The following XKR9 variants were observed in gnomAD, a reference collection of about 807,000 sequenced individuals.
XKR9 encodes XK related 9.
In XKR9, 32 loss-of-function variants were observed where a neutral mutation model predicts 32.0. The ratio of observed to expected loss-of-function variants is 1.00; its 90% confidence interval spans 0.76 to 1.34. The LOEUF (loss-of-function observed/expected upper bound fraction) is 1.34, where lower values mean the gene tolerates loss of function less well. Among genes scored for constraint, XKR9 ranks in the 40% most tolerant of loss-of-function variants. XKR9 has a pLI of 0.00. For synonymous variants in XKR9, 168 were observed against 143.4 expected (o/e 1.17, Z -1.22); for missense variants, 546 against 429.7 (o/e 1.27, Z -2.39).
the XKR9 span, among the ~76,000 whole-genome samples, chr8:70,993,977 A>G: frequency 6.6e-6 from 1 of 152,186 alleles, no homozygotes; most frequent in African/African-American, 2.4e-5. Context: ...AAATATGCCA[A>G]ATAAATATAT....
At chr8:70,936,224 T>C in the XKR9 span, among the ~76,000 whole-genome samples, 1 of 152,092 alleles carries the variant, frequency 6.6e-6, no homozygotes, top group Non-Finnish European at 1.5e-5. Flanking sequence ...GCTGAAAGCC[T>C]AATAGAAGGC....
chr8:70,920,675 C>G, the XKR9 span, among the ~76,000 whole-genome samples: 1 of 151,652 alleles, frequency 6.6e-6, no homozygotes, highest in East Asian at 1.9e-4. Context: ...TAAAAACTGA[C>G]CCCAGCCCCT....
At chr8:70,922,577 T>C in the XKR9 span, among the ~76,000 whole-genome samples, 4 of 152,200 alleles carry the variant, frequency 2.6e-5, no homozygotes, top group Admixed American at 2.6e-4. Flanking sequence ...GTTGAAGAGA[T>C]GAAGAGGGCA....
At chr8:70,759,288 A>G (rs1807273413) in intron 2 of XKR9, among the ~76,000 whole-genome samples, 1 of 152,224 alleles carries the variant, frequency 6.6e-6, no homozygotes, top group East Asian at 1.9e-4. Flanking sequence ...GCATTGGGCC[A>G]GGTACATTAG....
the XKR9 span, among the ~76,000 whole-genome samples, chr8:70,956,844 G>A: frequency 6.6e-6 from 1 of 152,338 alleles, no homozygotes; most frequent in South Asian, 2.1e-4. Context: ...GCACTTTCAA[G>A]CCTGCAGGGT....
chr8:70,704,778 C>T (rs1207362014), intron 3 of XKR9, among the ~76,000 whole-genome samples: 2 of 152,210 alleles, frequency 1.3e-5, no homozygotes, highest in African/African-American at 4.8e-5. Context: ...ATACTCTCTA[C>T]TATGTCAGAT....
rs191169291 is a variant in XKR9, at chr8:70,765,455, C to T, written n.353-23884C>T. 2.5e-4 allele frequency among the ~76,000 whole-genome samples: 38 copies of T among 152,074 alleles called. 1 individual carries two copies. The highest frequency in any genetic ancestry group is 8.9e-4 in the African/African-American group (37 of 41,520). ...TGGACTTTTGTAAATTTAAGTGCCTCATAAATTCTGGATATTATCCCTTTG... is the reference window on the plus strand; with the variant it reads ...TGGACTTTTGTAAATTTAAGTGCCTTATAAATTCTGGATATTATCCCTTTG... On this transcript the variant is annotated intron_variant and non_coding_transcript_variant, in intron 2 of 3. Transcript: ENST00000520273.
intron 4 of XKR9, among the ~76,000 whole-genome samples, chr8:70,721,896 G>A (rs1330169359): frequency 6.6e-6 from 1 of 152,018 alleles, no homozygotes; most frequent in Admixed American, 6.6e-5. Context: ...TTGACAGTGG[G>A]GTATAAAGTC....
chr8:70,707,808 G>T (rs1805772715), intron 4 of XKR9, among the ~76,000 whole-genome samples: 1 of 151,846 alleles, frequency 6.6e-6, no homozygotes. Context: ...TGTTTGTTAA[G>T]GTAAAAATGT....
chr8:70,855,227 C>CA, the XKR9 span, among the ~76,000 whole-genome samples: 1,200 of 150,186 alleles, frequency 8.0e-3, 16 homozygotes, highest in African/African-American at 0.027. Flanking sequence ...TTAAGAACCT[C>CA]AAAAAAAAAT....
chr8:70,908,674 G>A, the XKR9 span, among the ~76,000 whole-genome samples: 5 of 152,192 alleles, frequency 3.3e-5, no homozygotes, highest in Non-Finnish European at 5.9e-5. Context: ...AAACAAATGA[G>A]TGTGGCTGTG....
the XKR9 span, among the ~76,000 whole-genome samples, chr8:70,920,626 A>G: frequency 6.6e-6 from 1 of 152,150 alleles, no homozygotes; most frequent in Admixed American, 6.5e-5. Flanking sequence ...AGGTTAAAAG[A>G]CCATACATGG....
chr8:71,003,902 C>T, the XKR9 span, among the ~76,000 whole-genome samples: 1 of 152,004 alleles, frequency 6.6e-6, no homozygotes, highest in Admixed American at 6.6e-5. Context: ...TATTACAAAA[C>T]CTCATGGGAA....
chr8:70,810,906 C>T, the XKR9 span, among the ~76,000 whole-genome samples: 1 of 152,096 alleles, frequency 6.6e-6, no homozygotes, highest in African/African-American at 2.4e-5. Context: ...ACAAGGATAT[C>T]CAGGAATTGA....
intron 2 of XKR9, among the ~76,000 whole-genome samples, chr8:70,779,975 G>C (rs1411604520): frequency 2.6e-5 from 4 of 151,828 alleles, no homozygotes; most frequent in Non-Finnish European, 1.5e-5. Context: ...TCTGATCTTA[G>C]TTATTTCTTG....
the XKR9 span, among the ~76,000 whole-genome samples, chr8:70,821,374 A>G: frequency 6.6e-6 from 1 of 152,182 alleles, no homozygotes; most frequent in Non-Finnish European, 1.5e-5. Context: ...CATTGTCTGC[A>G]GCTTTTGTAG....
chr8:70,828,507 C>T, the XKR9 span, among the ~76,000 whole-genome samples: 2 of 151,664 alleles, frequency 1.3e-5, no homozygotes, highest in East Asian at 3.9e-4. Flanking sequence ...GGGCGGATCA[C>T]GAGGTCAGGA....
intron 2 of XKR9, among the ~76,000 whole-genome samples, chr8:70,776,947 C>CTCTCTCTCTCTCTCTCTCTCTATA: frequency 2.6e-4 from 14 of 54,206 alleles, no homozygotes; most frequent in Non-Finnish European, 3.5e-4. Flanking sequence ...CTCTCTCTCT[C>CTCTCTCTCTCTCTCTCTCTCTATA]TATATATATA....
chr8:71,046,683 A>C, the XKR9 span, among the ~76,000 whole-genome samples: 92,998 of 152,064 alleles, frequency 0.61, 30,402 homozygotes, highest in East Asian at 0.93. Context: ...GAGCAAACTG[A>C]TGCATCCCAT....
Sources: allele counts gnomAD v4.1 joint callset (sites outside exome capture counted in the v4.1 genomes callset), GRCh38; gene constraint gnomAD v4.1.1; transcripts MANE v1.5; gene names NCBI Gene and HGNC (gene_info 2026-07-23, HGNC 2026-07-21).